SLC5A1: variants seen among roughly 807,000 people sequenced by gnomAD.
SLC5A1 encodes the protein solute carrier family 5 member 1.
Under a neutral mutation model 73.5 loss-of-function variants are expected in SLC5A1, and 42 were observed. The ratio of observed to expected loss-of-function variants is 0.57; its 90% CI spans 0.45 to 0.74. The LOEUF (loss-of-function observed/expected upper bound fraction) is 0.74, where lower values mean the gene tolerates loss of function less well. Ranked by LOEUF, SLC5A1 falls within the 30% of genes least tolerant of loss-of-function variation. SLC5A1 has a pLI of 0.00. For synonymous variants in SLC5A1, 300 were observed against 317.4 expected, an observed-to-expected ratio of 0.95 and a Z score of 0.58; for missense variants, 634 against 855.4, an observed-to-expected ratio of 0.74 and a Z score of 3.23.
intron 14 of SLC5A1, among the ~76,000 whole-genome samples, chr22:32,109,644 G>A (rs986216482): frequency 6.6e-6 from 1 of 152,036 alleles, no homozygotes; most frequent in African/African-American, 2.4e-5. Context: ...CCTTCCTATG[G>A]CACAATTCCC....
intron 9 of SLC5A1, 76 bp downstream of exon 9, chr22:32,085,111 C>T: frequency 1.9e-6 from 3 of 1,554,410 alleles, no homozygotes; most frequent in Non-Finnish European, 1.8e-6. Flanking sequence ...TCTATAGCTT[C>T]CCGCTTCCTC....
intron 2 of SLC5A1, among the ~76,000 whole-genome samples, chr22:32,057,952 T>A (rs181036582): frequency 1.3e-5 from 2 of 152,346 alleles, no homozygotes; most frequent in Admixed American, 1.3e-4. Context: ...TTGTTGTTCC[T>A]TATTCTTAAA....
At chr22:32,075,289 A>G (rs1338553902) in intron 5 of SLC5A1, among the ~76,000 whole-genome samples, 1 of 152,102 alleles carries the variant, frequency 6.6e-6, no homozygotes, top group Non-Finnish European at 1.5e-5. Flanking sequence ...CCCAAATTAC[A>G]CAGCTAGTAC....
intron 2 of SLC5A1, among the ~76,000 whole-genome samples, chr22:32,052,411 G>A (rs529067988): frequency 1.3e-5 from 2 of 152,294 alleles, no homozygotes; most frequent in East Asian, 3.9e-4. Flanking sequence ...CACTTATGAT[G>A]TCACCAGAGG....
intron 2 of SLC5A1, 49 bp from the exon 3 acceptor site, chr22:32,066,886 G>A (rs779749398): frequency 1.5e-6 from 2 of 1,312,262 alleles, no homozygotes; most frequent in Non-Finnish European, 2.2e-6. Flanking sequence ...CACTCTGAGT[G>A]TCCTGGGAGA....
chr22:32,059,453 A>G (rs1287013435), intron 2 of SLC5A1: 6 of 645,890 alleles, frequency 9.3e-6, no homozygotes, highest in Non-Finnish European at 5.8e-6. Context: ...AGCTTGATGA[A>G]GAGGGCATTC....
At chr22:32,083,685 T>G (rs2094003517) in intron 7 of SLC5A1, among the ~76,000 whole-genome samples, 1 of 151,860 alleles carries the variant, frequency 6.6e-6, no homozygotes, top group African/African-American at 2.4e-5. Context: ...TTTTTTGCAA[T>G]TTTACTTGTC....
intron 2 of SLC5A1, among the ~76,000 whole-genome samples, chr22:32,053,886 G>T (rs2093948198): frequency 6.6e-6 from 1 of 152,086 alleles, no homozygotes. Flanking sequence ...CATTATAATT[G>T]TTTCTCAGCC....
At position 32,043,341 on chromosome 22, in the gene SLC5A1, C is replaced by T. The variant is rs776173794; in HGVS notation, c.60C>T (p.His20=). The part of the protein sequence containing the change: ...TTAVTRPVET[H]ELIRNAADIS... ...CGGTCACCCGGCCTGTTGAGACCCA[C>T]GAGCTCATTCGCAATGCAGCCGATA... The change falls in exon 1 of 15, where the codon CAC becomes CAT. Residue 20 remains histidine, a synonymous_variant. Coordinates refer to ENST00000266088, the MANE Select transcript of SLC5A1 (RefSeq NM_000343.4). The surrounding 1 kb of genome is among the most constrained non-coding windows in gnomAD (Gnocchi z 6.5). 34 of 1,613,996 alleles carry T rather than the reference C, an allele frequency of 2.1e-5. No individual in the cohort carries two copies. Among genetic ancestry groups the T allele is most frequent in the South Asian group, 2.1e-4 (19 of 91,082 alleles).
intron 2 of SLC5A1, 88 bp downstream of exon 2, chr22:32,050,102 T>A: frequency 8.4e-7 from 1 of 1,184,658 alleles, no homozygotes; most frequent in Non-Finnish European, 1.3e-6. Flanking sequence ...TGGGTGGTGG[T>A]GATTCTAGGA....
chr22:32,101,136 G>A (rs774181675), intron 12 of SLC5A1, among the ~76,000 whole-genome samples: 1 of 152,138 alleles, frequency 6.6e-6, no homozygotes, highest in Non-Finnish European at 1.5e-5. Context: ...CTGATAATTT[G>A]GAATAGAAAG....
chr22:32,074,093 T>C (rs1018021566), intron 5 of SLC5A1, among the ~76,000 whole-genome samples: 1 of 152,060 alleles, frequency 6.6e-6, no homozygotes, highest in African/African-American at 2.4e-5. Context: ...ACTGTGCACG[T>C]AGAGAAGGGT....
chr22:32,059,875 G>C (rs912188571), intron 2 of SLC5A1, among the ~76,000 whole-genome samples: 1 of 151,950 alleles, frequency 6.6e-6, no homozygotes, highest in African/African-American at 2.4e-5. Flanking sequence ...TATCATGGAA[G>C]TCTTGATTCT....
chr22:32,108,385 G>A (rs1185461004), intron 14 of SLC5A1, among the ~76,000 whole-genome samples: 2 of 152,182 alleles, frequency 1.3e-5, no homozygotes, highest in African/African-American at 4.8e-5. Flanking sequence ...ACAGGCATGA[G>A]CCACCACACC....
In SLC5A1 at chr22:32,068,550, G is replaced by C; in HGVS notation, c.427G>C (p.Val143Leu). 1.2e-6 allele frequency: 2 copies of C among 1,613,972 alleles called. No homozygotes were observed. Among genetic ancestry groups the C allele is most frequent in the Non-Finnish European group, 1.7e-6 (2 of 1,179,990 alleles). ...GCGGTTTGGAGGCCAGCGGATCCAG[G>C]TCTACCTTTCCCTTCTGTCCCTGCT... The part of the protein sequence containing the change: ...RKRFGGQRIQ[V>L]YLSLLSLLLY... Residue 143 changes from valine to leucine, a missense_variant, in exon 5 of 15, where the codon GTC becomes CTC. Val to Leu is a conservative substitution (Grantham distance 32). Coordinates refer to ENST00000266088, the MANE Select transcript of SLC5A1 (RefSeq NM_000343.4).
rs1356391865 is a variant in SLC5A1 at position 32,043,517 on chromosome 22, A to G, written c.135+101A>G. 15 of 1,309,170 alleles carry G rather than the reference A, an allele frequency of 1.1e-5. No individual in the cohort carries two copies. The highest frequency in any genetic ancestry group is 1.5e-5 in the Non-Finnish European group (14 of 923,694). 81.1% of individuals were successfully genotyped at this position (1,309,170 alleles called of 1,614,324 possible). On this transcript the variant is annotated intron_variant, in intron 1 of 14. Coordinates refer to ENST00000266088, the MANE Select transcript of SLC5A1 (RefSeq NM_000343.4). This position sits in a 1 kb window ranked among gnomAD's most constrained non-coding sequence, Gnocchi z 6.5. Reference sequence around the variant, plus strand: ...GGGCAGTAGGCTTAAGTGTCGGTGGAGGGGAGAGGAAATGACTTGGAAGCA... The same window carrying G: ...GGGCAGTAGGCTTAAGTGTCGGTGGGGGGGAGAGGAAATGACTTGGAAGCA...
intron 11 of SLC5A1, among the ~76,000 whole-genome samples, chr22:32,092,342 C>T (rs975933970): frequency 2.6e-5 from 4 of 152,186 alleles, no homozygotes; most frequent in African/African-American, 9.7e-5. Context: ...TCTTTATCCA[C>T]TTGTTGATTG....
intron 2 of SLC5A1, among the ~76,000 whole-genome samples, chr22:32,065,091 G>A (rs948249500): frequency 6.6e-6 from 1 of 151,920 alleles, no homozygotes; most frequent in African/African-American, 2.4e-5. Flanking sequence ...CTACAGGCAC[G>A]CACCACCATG....
rs890049702 is a variant in SLC5A1, at chr22:32,086,367, G to A, written c.1129+40G>A. 6.4e-6 allele frequency: 9 copies of A among 1,397,646 alleles called. No homozygotes were observed. The African/African-American group carries it at 1.3e-4, about 20-fold the overall frequency. 86.6% of individuals were successfully genotyped at this position (1,397,646 alleles called of 1,614,324 possible). A position where few individuals can be genotyped will look rare whatever the true frequency, so the allele number is the denominator to read the frequency against. On this transcript the variant is annotated intron_variant, in intron 10 of 14. Coordinates refer to ENST00000266088, the MANE Select transcript of SLC5A1 (RefSeq NM_000343.4). ...TGGGAGGTTGGTAGAGTCTTTCTTG[G>A]GAGGCTGATTGGGTTTAGGCACCAC...
Sources: gnomAD v4.1 joint callset for allele counts (sites outside exome capture counted in the v4.1 genomes callset) on GRCh38, gnomAD v4.1.1 for gene constraint, Gnocchi (gnomAD v3.1) non-coding constraint, MANE v1.5 for transcripts, NCBI Gene and HGNC (gene_info 2026-07-23, HGNC 2026-07-21) for gene names.